The following MNAT1 variants were observed in gnomAD, a reference collection of about 807,000 sequenced individuals.
MNAT1 encodes the protein CDK-activating kinase assembly factor MAT1.
A neutral mutation model predicts 42.0 loss-of-function variants in MNAT1; 43 were observed. The observed-to-expected ratio is 1.02, with a 90% confidence interval of 0.80 to 1.32. The LOEUF (loss-of-function observed/expected upper bound fraction) is 1.32, where lower values mean the gene tolerates loss of function less well. MNAT1 is among the 40% of genes most tolerant of loss of function. The pLI is 0.00. For missense variants in MNAT1, 306 were observed against 350.4 expected, an observed-to-expected ratio of 0.87 and a Z score of 1.01; for synonymous variants, 118 against 120.0, an observed-to-expected ratio of 0.98 and a Z score of 0.11.
intron 1 of MNAT1, chr14:60,780,370 C>G (rs886659106): frequency 6.3e-7 from 1 of 1,577,922 alleles, no homozygotes; most frequent in Non-Finnish European, 8.7e-7. Flanking sequence ...TCCGTTCAGT[C>G]ATCAGACAGA....
intron 1 of MNAT1, among the ~76,000 whole-genome samples, chr14:60,761,241 C>T (rs1354515154): frequency 6.6e-6 from 1 of 152,078 alleles, no homozygotes; most frequent in Admixed American, 6.6e-5. Flanking sequence ...AGAAGGTTAT[C>T]CACATACCAG....
intron 1 of MNAT1, chr14:60,779,997 G>T: frequency 6.4e-7 from 1 of 1,564,150 alleles, no homozygotes; most frequent in Non-Finnish European, 8.8e-7. Context: ...CAGCTCTCCC[G>T]GGAGCAGGGA....
intron 7 of MNAT1, among the ~76,000 whole-genome samples, chr14:60,901,392 A>C (rs1157170526): frequency 6.6e-6 from 1 of 152,226 alleles, no homozygotes; most frequent in Non-Finnish European, 1.5e-5. Flanking sequence ...TATTGTTTTC[A>C]TGACTGCTAG....
intron 7 of MNAT1, among the ~76,000 whole-genome samples, chr14:60,960,565 A>T (rs1404505879): frequency 6.6e-6 from 1 of 152,038 alleles, no homozygotes; most frequent in Non-Finnish European, 1.5e-5. Context: ...ATCACTTCAG[A>T]CTCAAGTCCA....
intron 7 of MNAT1, among the ~76,000 whole-genome samples, chr14:60,940,691 A>G (rs971989646): frequency 1.3e-5 from 2 of 152,304 alleles, no homozygotes. Flanking sequence ...TGCTGGAATT[A>G]CAGCCGTGAG....
intron 6 of MNAT1, among the ~76,000 whole-genome samples, chr14:60,823,299 T>C (rs908400970): frequency 2.0e-5 from 3 of 152,178 alleles, no homozygotes; most frequent in African/African-American, 7.2e-5. Flanking sequence ...TGCTCTCTGT[T>C]TATCTGATTA....
At chr14:60,738,006 G>C (rs948106972) in intron 1 of MNAT1, among the ~76,000 whole-genome samples, 2 of 148,250 alleles carry the variant, frequency 1.3e-5, no homozygotes, top group African/African-American at 5.0e-5. Context: ...CCGCTACCAC[G>C]CCCGGCTAAT....
At chr14:60,922,886 T>C in intron 7 of MNAT1, among the ~76,000 whole-genome samples, 1 of 152,166 alleles carries the variant, frequency 6.6e-6, no homozygotes. Context: ...GGAAGAAATA[T>C]TAGTATACCA....
chr14:60,746,281 C>T (rs1594717981), intron 1 of MNAT1, among the ~76,000 whole-genome samples: 2 of 151,904 alleles, frequency 1.3e-5, no homozygotes, highest in South Asian at 2.1e-4. Context: ...TTTGGGAGGC[C>T]GAGGCGGGTA....
intron 7 of MNAT1, among the ~76,000 whole-genome samples, chr14:60,958,127 G>A (rs2149304): frequency 0.9 from 137,088 of 152,208 alleles, 62,500 homozygotes; most frequent in Non-Finnish European, 0.99. Context: ...TTGAGCCACC[G>A]TGCCCACTCT....
intron 1 of MNAT1, among the ~76,000 whole-genome samples, chr14:60,777,369 A>G (rs1396601320): frequency 6.6e-6 from 1 of 152,098 alleles, no homozygotes; most frequent in Non-Finnish European, 1.5e-5. Flanking sequence ...AGGATCGCTT[A>G]AGGCCAGGAA....
At chr14:60,876,899 T>G (rs990159941) in intron 6 of MNAT1, among the ~76,000 whole-genome samples, 21 of 152,072 alleles carry the variant, frequency 1.4e-4, no homozygotes, top group African/African-American at 5.1e-4. Flanking sequence ...TATGCATTGG[T>G]GTACAAATAT....
At chr14:60,775,679 T>G (rs2140310324) in intron 1 of MNAT1, among the ~76,000 whole-genome samples, 2 of 152,252 alleles carry the variant, frequency 1.3e-5, no homozygotes, top group Admixed American at 1.3e-4. Context: ...CAGAGATATT[T>G]TTTTCATTTT....
rs1012503143 is a variant in MNAT1 at position 60,812,025 on chromosome 14, G to A, written c.459G>A (p.Val153=). Reference sequence around the variant, plus strand: ...AAGAACTGGAAGAAGCTTTAGAAGTGGAACGACAGGAAAATGAACAAAGAA... The same window carrying A: ...AAGAACTGGAAGAAGCTTTAGAAGTAGAACGACAGGAAAATGAACAAAGAA... ...EQEELEEALE[V]ERQENEQRRL... Residue 153 remains valine (V), a synonymous_variant, in exon 5 of 8, where the codon GTG becomes GTA. Coordinates refer to ENST00000261245, the MANE Select transcript of MNAT1 (RefSeq NM_002431.4). The A allele has an allele frequency of 1.9e-6, 3 of 1,601,502 alleles. No individual in the cohort carries two copies. Among genetic ancestry groups the A allele is most frequent in the Non-Finnish European group, 1.7e-6 (2 of 1,176,036 alleles).
intron 6 of MNAT1, among the ~76,000 whole-genome samples, chr14:60,864,268 TAAATA>T (rs1355355935): frequency 2.0e-5 from 3 of 151,912 alleles, no homozygotes; most frequent in African/African-American, 7.2e-5. Context: ...AAATGTTTAA[TAAATA>T]TAATATATTT....
chr14:60,962,755 T>A (rs531105001), intron 7 of MNAT1, among the ~76,000 whole-genome samples: 1 of 152,338 alleles, frequency 6.6e-6, no homozygotes, highest in East Asian at 1.9e-4. Context: ...ACCATGTGTC[T>A]TTTAATTTCC....
intron 5 of MNAT1, among the ~76,000 whole-genome samples, chr14:60,816,830 A>G (rs2139361218): frequency 6.6e-6 from 1 of 152,190 alleles, no homozygotes; most frequent in Admixed American, 6.5e-5. Context: ...AGAATAAAGT[A>G]GGTTGGAACT....
rs538825005 is a variant in MNAT1 at position 60,825,841 on chromosome 14, C to T, written c.687+6994C>T. On this transcript the variant is annotated intron_variant, in intron 6 of 7. Coordinates refer to ENST00000261245, the MANE Select transcript of MNAT1 (RefSeq NM_002431.4). ...AGGTAATTTAAGGGGCAGGAGTCAG[C>T]ATAATAACTTTCTTTTCCTGATCTG... is the stretch of plus-strand genomic sequence containing the variant. 2.6e-5 allele frequency among the ~76,000 whole-genome samples: 4 copies of T among 152,186 alleles called. No individual in the cohort carries two copies. The East Asian group carries it at 7.7e-4, about 29-fold the overall frequency.
intron 3 of MNAT1, among the ~76,000 whole-genome samples, chr14:60,807,087 T>A (rs2032393942): frequency 6.6e-6 from 1 of 152,208 alleles, no homozygotes; most frequent in South Asian, 2.1e-4. Flanking sequence ...GATTTAAAAT[T>A]GCGTATGATA....
Sources: allele counts gnomAD v4.1 joint callset (sites outside exome capture counted in the v4.1 genomes callset), GRCh38; gene constraint gnomAD v4.1.1; transcripts MANE v1.5; gene names NCBI Gene and HGNC (gene_info 2026-07-23, HGNC 2026-07-21).